Variants in PLXNA4 observed in about 807,000 individuals in gnomAD.
PLXNA4 encodes plexin-A4.
A neutral mutation model predicts 191.8 loss-of-function variants in PLXNA4; 44 were observed. That is an observed-to-expected ratio of 0.23 (90% CI 0.18 to 0.29). The LOEUF is 0.29. Ranked by LOEUF, PLXNA4 falls within the 10% of genes least tolerant of loss-of-function variation. The pLI is 1.00. For synonymous variants in PLXNA4, 1,082 were observed against 1,009.5 expected (o/e 1.07, Z -1.36); for missense variants, 1,800 against 2,488.8 (o/e 0.72, Z 5.89).
rs1563047932 is a variant in PLXNA4 at position 132,132,415 on chromosome 7, C to CTGTTCTGTTCTGTTCTGTTCTGT, written c.5589+611_5589+633dup. Among the ~76,000 whole-genome samples, 91 of 46,762 alleles carry CTGTTCTGTTCTGTTCTGTTCTGT rather than the reference C, an allele frequency of 1.9e-3. 1 individual carries two copies. The highest frequency in any genetic ancestry group is 7.5e-3 in the African/African-American group (89 of 11,888). The allele number at this position is 46,762 out of a possible 152,430, so 30.7% of individuals were successfully genotyped here. On this transcript the variant is annotated intron_variant, in intron 31 of 31. Transcript: ENST00000321063. ...CTGTTCTGTTCTGTTCTGTTCTGTT[C>CTGTTCTGTTCTGTTCTGTTCTGT]TGTTCTGTTCTGTTCTGTTCTGTTC...
At chr7:132,294,979 T>C (rs1034005027) in intron 4 of PLXNA4, among the ~76,000 whole-genome samples, 2 of 152,182 alleles carry the variant, frequency 1.3e-5, no homozygotes, top group Non-Finnish European at 2.9e-5. Flanking sequence ...AGAAAACAAA[T>C]TTCTGTTGTT....
At chr7:132,406,461 C>T (rs1794222872) in intron 3 of PLXNA4, among the ~76,000 whole-genome samples, 1 of 152,122 alleles carries the variant, frequency 6.6e-6, no homozygotes, top group Non-Finnish European at 1.5e-5. Context: ...CTTTAACTCT[C>T]CCATCTTTGG....
intron 3 of PLXNA4, among the ~76,000 whole-genome samples, chr7:132,321,556 C>T (rs1802166565): frequency 6.6e-6 from 1 of 152,194 alleles, no homozygotes; most frequent in African/African-American, 2.4e-5. Flanking sequence ...CCCTGGAAGG[C>T]CTTGTTCAAA....
chr7:132,525,582 T>C (rs1316846553), intron 1 of PLXNA4, among the ~76,000 whole-genome samples: 2 of 152,182 alleles, frequency 1.3e-5, no homozygotes, highest in Non-Finnish European at 1.5e-5. Flanking sequence ...CAGAAACTTC[T>C]GGGTTTTAAG....
intron 21 of PLXNA4, among the ~76,000 whole-genome samples, chr7:132,173,485 T>C (rs1426035417): frequency 1.3e-5 from 2 of 152,206 alleles, no homozygotes; most frequent in African/African-American, 4.8e-5. Flanking sequence ...TCTTGGTATC[T>C]CTTAGCTGAG....
chr7:132,216,391 A>C (rs1230557732), intron 9 of PLXNA4, among the ~76,000 whole-genome samples: 2 of 152,220 alleles, frequency 1.3e-5, no homozygotes, highest in Admixed American at 6.5e-5. Context: ...GGCATTCAGC[A>C]AACCAGTGAA....
chr7:132,300,871 C>T (rs1017034967), intron 3 of PLXNA4, among the ~76,000 whole-genome samples: 2 of 152,248 alleles, frequency 1.3e-5, no homozygotes, highest in Non-Finnish European at 2.9e-5. Context: ...TCCAGTGCCC[C>T]TTGGCCTGAT....
At chr7:132,404,973 G>C (rs187875597) in intron 3 of PLXNA4, among the ~76,000 whole-genome samples, 73 of 152,164 alleles carry the variant, frequency 4.8e-4, no homozygotes, top group Non-Finnish European at 9.9e-4. Flanking sequence ...TTGTTGTGAA[G>C]GATCTGAGTC....
intron 2 of PLXNA4, among the ~76,000 whole-genome samples, chr7:132,501,026 G>A (rs1475415957): frequency 6.6e-6 from 1 of 152,160 alleles, no homozygotes; most frequent in East Asian, 1.9e-4. Context: ...AAGTAGGGCT[G>A]GTCTATGTGC....
At chr7:132,643,389 G>A (rs1011694570) in intron 2 of PLXNA4, among the ~76,000 whole-genome samples, 6 of 151,948 alleles carry the variant, frequency 3.9e-5, no homozygotes, top group Admixed American at 1.3e-4. Flanking sequence ...AATTCCAGCC[G>A]CCAGGTGTGC....
chr7:132,357,966 C>T (rs1032714984), intron 3 of PLXNA4, among the ~76,000 whole-genome samples: 10 of 152,182 alleles, frequency 6.6e-5, no homozygotes, highest in Admixed American at 2.6e-4. Context: ...TGCCAGAAAG[C>T]AGGAGATTGT....
At chr7:132,145,508 T>C (rs1584760383) in intron 28 of PLXNA4, 3 of 597,856 alleles carry the variant, frequency 5.0e-6, no homozygotes. Flanking sequence ...ATAACACTGA[T>C]GACTGGACCT....
intron 1 of PLXNA4, among the ~76,000 whole-genome samples, chr7:132,559,085 C>T (rs1402275115): frequency 1.3e-5 from 2 of 152,144 alleles, no homozygotes; most frequent in Non-Finnish European, 2.9e-5. Context: ...GAGCCCCAGG[C>T]CTTGACCTCT....
chr7:132,388,008 G>A (rs1402496700), intron 3 of PLXNA4, among the ~76,000 whole-genome samples: 1 of 152,058 alleles, frequency 6.6e-6, no homozygotes, highest in Non-Finnish European at 1.5e-5. Flanking sequence ...GGGACTGCAG[G>A]CCAGCTTCAA....
rs898180895 is a variant in PLXNA4 at position 132,356,119 on chromosome 7, G to A, written c.1372-57897C>T. Among the ~76,000 whole-genome samples the A allele has an allele frequency of 1.2e-4, 19 of 152,142 alleles. 1 individual carries two copies. Among genetic ancestry groups the A allele is most frequent in the Admixed American group, 1.0e-3 (16 of 15,286 alleles). ...AAGGGAAACCACTTTACTCATACAA[G>A]GTGAAGACATCTTAAGCCAGATCTT... On this transcript the variant is annotated intron_variant, in intron 3 of 31. Coordinates refer to ENST00000321063, the MANE Select transcript of PLXNA4 (RefSeq NM_020911.2).
chr7:132,615,101 G>A (rs1803125145), intron 2 of PLXNA4, among the ~76,000 whole-genome samples: 1 of 152,146 alleles, frequency 6.6e-6, no homozygotes, highest in South Asian at 2.1e-4. Context: ...TCAGCACAAG[G>A]CTTTAGGACA....
At chr7:132,440,112 G>T (rs1020395955) in intron 3 of PLXNA4, among the ~76,000 whole-genome samples, 4 of 152,120 alleles carry the variant, frequency 2.6e-5, no homozygotes, top group African/African-American at 9.7e-5. Flanking sequence ...TTCCCCACAA[G>T]TGAGGCAACA....
intron 3 of PLXNA4, among the ~76,000 whole-genome samples, chr7:132,356,804 G>T (rs1803726889): frequency 6.6e-6 from 1 of 152,226 alleles, no homozygotes; most frequent in South Asian, 2.1e-4. Context: ...AACAGAAGTT[G>T]GAGGCAGGAC....
intron 1 of PLXNA4, among the ~76,000 whole-genome samples, chr7:132,556,735 G>A (rs530897963): frequency 3.9e-5 from 6 of 152,332 alleles, no homozygotes; most frequent in South Asian, 4.1e-4. Flanking sequence ...CCTTGGCGCT[G>A]TGCTGTTTCA....
Sources: allele counts gnomAD v4.1 joint callset (sites outside exome capture counted in the v4.1 genomes callset), GRCh38; gene constraint gnomAD v4.1.1; transcripts MANE v1.5; gene names NCBI Gene and HGNC (gene_info 2026-07-23, HGNC 2026-07-21).